KCNQ3: variants seen among roughly 807,000 people sequenced by gnomAD.
The protein encoded by KCNQ3 is potassium voltage-gated channel subfamily Q member 3, also known as potassium voltage-gated channel subfamily KQT member 3.
In KCNQ3, 30 loss-of-function variants were observed where a neutral mutation model predicts 92.5. That is an observed-to-expected ratio of 0.32 (90% CI 0.24 to 0.44). The LOEUF is 0.44. KCNQ3 is among the 20% of genes least tolerant of loss of function. The pLI, the probability that KCNQ3 is intolerant of heterozygous loss-of-function variation, is 1.00. For missense variants in KCNQ3, 913 were observed against 1,140.3 expected (o/e 0.80, Z 2.87); for synonymous variants, 450 against 468.8 (o/e 0.96, Z 0.52).
intron 1 of KCNQ3, among the ~76,000 whole-genome samples, chr8:132,215,858 T>A (rs893538476): frequency 6.6e-6 from 1 of 152,202 alleles, no homozygotes; most frequent in Non-Finnish European, 1.5e-5. Context: ...GGTGGGACTT[T>A]GCTAAAGTTG....
chr8:132,436,515 C>A (rs1821399229), intron 1 of KCNQ3, among the ~76,000 whole-genome samples: 1 of 152,170 alleles, frequency 6.6e-6, no homozygotes, highest in African/African-American at 2.4e-5. Context: ...CCATACCTTA[C>A]CTTACAATGA....
chr8:132,457,732 G>C (rs995102302), intron 1 of KCNQ3, among the ~76,000 whole-genome samples: 1 of 152,154 alleles, frequency 6.6e-6, no homozygotes, highest in African/African-American at 2.4e-5. Context: ...TTGGTTATTA[G>C]CATTACCCTT....
At chr8:132,451,694 G>A (rs1326604901) in intron 1 of KCNQ3, among the ~76,000 whole-genome samples, 4 of 152,252 alleles carry the variant, frequency 2.6e-5, no homozygotes, top group Non-Finnish European at 5.9e-5. Flanking sequence ...GAGCAGCAGA[G>A]GATGAGTTTT....
In KCNQ3 at chr8:132,379,374, G is replaced by A. The variant is rs142074382; in HGVS notation, c.386+100773C>T. ...CAAATGATGTAACAACAAAATGGAG[G>A]GGCAGGAATGTGACTCATGTTGTTC... On this transcript the variant is annotated intron_variant, in intron 1 of 14. Transcript: ENST00000388996. Among the ~76,000 whole-genome samples the A allele has an allele frequency of 2.0e-4, 31 of 151,998 alleles. No homozygotes were observed. The East Asian group carries it at 6.0e-3, about 29-fold the overall frequency.
At chr8:132,330,972 C>T (rs2130660715) in intron 1 of KCNQ3, among the ~76,000 whole-genome samples, 1 of 152,308 alleles carries the variant, frequency 6.6e-6, no homozygotes, top group South Asian at 2.1e-4. Flanking sequence ...GCAGCGTCCA[C>T]TGGGGTGGCT....
At chr8:132,436,724 A>C (rs1821403930) in intron 1 of KCNQ3, among the ~76,000 whole-genome samples, 1 of 152,166 alleles carries the variant, frequency 6.6e-6, no homozygotes, top group Admixed American at 6.5e-5. Context: ...AATCCTTAAG[A>C]AGTAAAATAG....
At chr8:132,297,145 G>C (rs977271364) in intron 1 of KCNQ3, among the ~76,000 whole-genome samples, 9 of 152,226 alleles carry the variant, frequency 5.9e-5, no homozygotes, top group Non-Finnish European at 1.3e-4. Context: ...GGCCAGTGAT[G>C]ATGAGCATTT....
At chr8:132,406,358 C>T (rs1289943091) in intron 1 of KCNQ3, among the ~76,000 whole-genome samples, 2 of 152,170 alleles carry the variant, frequency 1.3e-5, no homozygotes, top group African/African-American at 4.8e-5. Flanking sequence ...TTCGACATTT[C>T]AACCACTGAA....
rs376198873 is a variant in KCNQ3 at position 132,276,517 on chromosome 8, C to T, written c.387-90336G>A. ...GACATTCAGTGGTGGGAGCTCATTACCTGCCCCCACCCCCAACAAGGCAGC... is the reference window on the plus strand; with the variant it reads ...GACATTCAGTGGTGGGAGCTCATTATCTGCCCCCACCCCCAACAAGGCAGC... On this transcript the variant is annotated intron_variant, in intron 1 of 14. Transcript: ENST00000388996. 7.9e-5 allele frequency among the ~76,000 whole-genome samples: 12 copies of T among 152,282 alleles called. No individual in the cohort carries two copies. In the South Asian group the frequency reaches 2.5e-3, roughly 32 times the overall value.
At chr8:132,472,650 G>A (rs1822322046) in intron 1 of KCNQ3, among the ~76,000 whole-genome samples, 2 of 152,118 alleles carry the variant, frequency 1.3e-5, no homozygotes, top group South Asian at 4.1e-4. Flanking sequence ...GTTAGTTAAT[G>A]GGTACAAACA....
intron 1 of KCNQ3, among the ~76,000 whole-genome samples, chr8:132,205,830 C>T (rs556149272): frequency 6.6e-6 from 1 of 152,122 alleles, no homozygotes; most frequent in South Asian, 2.1e-4. Context: ...GGGGACAGCA[C>T]CCTGCTTCTA....
intron 1 of KCNQ3, among the ~76,000 whole-genome samples, chr8:132,297,246 T>C (rs951838858): frequency 7.9e-5 from 12 of 152,138 alleles, no homozygotes; most frequent in Non-Finnish European, 1.2e-4. Flanking sequence ...TTGTTTGTTT[T>C]TTTCTTGTAA....
intron 1 of KCNQ3, among the ~76,000 whole-genome samples, chr8:132,284,783 G>A (rs911620618): frequency 2.0e-5 from 3 of 152,202 alleles, no homozygotes; most frequent in Non-Finnish European, 4.4e-5. Context: ...AATGTTAGGA[G>A]CTGGTGCCGT....
intron 1 of KCNQ3, among the ~76,000 whole-genome samples, chr8:132,422,810 A>G (rs1821009825): frequency 6.6e-6 from 1 of 152,218 alleles, no homozygotes; most frequent in Non-Finnish European, 1.5e-5. Flanking sequence ...GAAATGATGG[A>G]TCCGTAAGCT....
intron 1 of KCNQ3, among the ~76,000 whole-genome samples, chr8:132,191,826 G>A (rs759488977): frequency 8.6e-5 from 13 of 151,834 alleles, no homozygotes; most frequent in Non-Finnish European, 1.5e-5. Flanking sequence ...CCTGGCAGGA[G>A]TTGTGACTAA....
At chr8:132,399,515 G>A (rs899043390) in intron 1 of KCNQ3, among the ~76,000 whole-genome samples, 8 of 152,052 alleles carry the variant, frequency 5.3e-5, no homozygotes, top group Non-Finnish European at 1.2e-4. Context: ...GGGAAAAAGC[G>A]CCCTCCACCC....
chr8:132,455,553 A>G (rs575970977), intron 1 of KCNQ3, among the ~76,000 whole-genome samples: 86 of 152,264 alleles, frequency 5.6e-4, no homozygotes, highest in Admixed American at 1.2e-3. Flanking sequence ...TTCAGTTGGC[A>G]TTTTTTGAGC....
chr8:132,296,506 G>A (rs567885326), intron 1 of KCNQ3, among the ~76,000 whole-genome samples: 8 of 151,442 alleles, frequency 5.3e-5, no homozygotes, highest in Admixed American at 2.0e-4. Flanking sequence ...CGTCTTTAGC[G>A]TTAGGTATAT....
chr8:132,349,321 C>T (rs1253371589), intron 1 of KCNQ3, among the ~76,000 whole-genome samples: 7 of 152,184 alleles, frequency 4.6e-5, no homozygotes, highest in Admixed American at 1.3e-4. Context: ...TAGTATCTAA[C>T]GAGCGACTTC....
Sources: allele counts gnomAD v4.1 joint callset (sites outside exome capture counted in the v4.1 genomes callset), GRCh38; gene constraint gnomAD v4.1.1; transcripts MANE v1.5; gene names NCBI Gene and HGNC (gene_info 2026-07-23, HGNC 2026-07-21).